Variants in ADAM10 observed in about 807,000 individuals in gnomAD.
ADAM10 encodes ADAM metallopeptidase domain 10, also known as disintegrin and metalloproteinase domain-containing protein 10.
Under a neutral mutation model 90.1 loss-of-function variants are expected in ADAM10, and 17 were observed. The observed-to-expected ratio is 0.19, with a 90% CI of 0.13 to 0.28. The LOEUF (loss-of-function observed/expected upper bound fraction) is 0.28. ADAM10 is among the 10% of genes least tolerant of loss of function. The pLI is 1.00. For synonymous variants in ADAM10, 310 were observed against 298.6 expected, an observed-to-expected ratio of 1.04 and a Z score of -0.40; for missense variants, 610 against 914.3, an observed-to-expected ratio of 0.67 and a Z score of 4.29.
chr15:58,701,027 A>AAC (rs1413433066), intron 2 of ADAM10, among the ~76,000 whole-genome samples: 34 of 151,334 alleles, frequency 2.2e-4, no homozygotes, highest in Admixed American at 7.2e-4. Context: ...AAAAACAAAA[A>AAC]AAAAAAAACA....
intron 1 of ADAM10, among the ~76,000 whole-genome samples, chr15:58,725,801 T>A (rs566101213): frequency 3.9e-4 from 60 of 152,144 alleles, no homozygotes; most frequent in African/African-American, 1.4e-3. Flanking sequence ...TCTATCAACC[T>A]AAGATTCTAT....
chr15:58,740,143 T>G (rs1337826700), intron 1 of ADAM10, among the ~76,000 whole-genome samples: 1 of 152,134 alleles, frequency 6.6e-6, no homozygotes, highest in Non-Finnish European at 1.5e-5. Flanking sequence ...CTCGGCATGG[T>G]GGCTCATGCC....
chr15:58,658,223 T>C (rs1240857982), intron 5 of ADAM10, among the ~76,000 whole-genome samples: 5 of 152,178 alleles, frequency 3.3e-5, no homozygotes, highest in Non-Finnish European at 1.5e-5. Flanking sequence ...TCTCAATTTT[T>C]TTTTCATATG....
chr15:58,730,566 G>A (rs1378806082), intron 1 of ADAM10, among the ~76,000 whole-genome samples: 1 of 152,140 alleles, frequency 6.6e-6, no homozygotes, highest in African/African-American at 2.4e-5. Flanking sequence ...TCTGCCTTTG[G>A]TTATAATTCA....
At position 58,611,293 on chromosome 15, in the gene ADAM10, G is replaced by A. The variant is rs1895431266; in HGVS notation, c.1696-186C>T. Reference sequence around the variant, plus strand: ...TACATTTGAAAAAATTTGAAAAACAGTAAATCCAAGAAAGATAGTAAATCT... The same window carrying A: ...TACATTTGAAAAAATTTGAAAAACAATAAATCCAAGAAAGATAGTAAATCT... On this transcript the variant is annotated intron_variant, in intron 12 of 15. Transcript: ENST00000260408. The A allele has an allele frequency of 1.4e-5, 8 of 581,636 alleles. No homozygotes were observed. In the South Asian group the frequency reaches 1.7e-4, roughly 12 times the overall value. 36.0% of individuals were successfully genotyped at this position (581,636 alleles called of 1,614,324 possible).
chr15:58,656,485 T>C (rs1347645604), intron 5 of ADAM10, among the ~76,000 whole-genome samples: 1 of 152,216 alleles, frequency 6.6e-6, no homozygotes, highest in Admixed American at 6.5e-5. Context: ...ATCTATCATA[T>C]GTTTTTTGAT....
intron 9 of ADAM10, among the ~76,000 whole-genome samples, chr15:58,631,342 G>T (rs1378175343): frequency 6.6e-6 from 1 of 152,186 alleles, no homozygotes; most frequent in East Asian, 1.9e-4. Flanking sequence ...AATGGGGTAC[G>T]ATTGAGCGTG....
chr15:58,729,050 C>T (rs554233948), intron 1 of ADAM10, among the ~76,000 whole-genome samples: 3 of 152,282 alleles, frequency 2.0e-5, no homozygotes, highest in African/African-American at 7.2e-5. Flanking sequence ...CAATTCAACA[C>T]TGAATCTAAA....
rs1895424589 is a variant in ADAM10 at position 58,611,034 on chromosome 15, T to A, written c.1769A>T (p.Asp590Val). ...CTCASSDGKD[D>V]KELCHVCCMK... Reference sequence around the variant, plus strand: ...ACAGCATACATGGCATAATTCTTTATCATCTTTGCCATCAGAACTGGCACA... The same window carrying A: ...ACAGCATACATGGCATAATTCTTTAACATCTTTGCCATCAGAACTGGCACA... Residue 590 changes from aspartate to valine, a missense_variant, in exon 13 of 16, where the codon GAT (aspartate) becomes GTT (valine). Around this residue, in one of 4 missense-constraint regions of ADAM10, gnomAD observed 150 missense variants for 268.5 expected, o/e 0.56. Transcript: ENST00000260408. 1 of 1,613,714 alleles carries A rather than the reference T, an allele frequency of 6.2e-7. No individual in the cohort carries two copies. Among genetic ancestry groups the A allele is most frequent in the African/African-American group, 1.3e-5 (1 of 74,928 alleles).
intron 5 of ADAM10, among the ~76,000 whole-genome samples, chr15:58,659,207 A>T (rs1415952195): frequency 2.0e-5 from 3 of 151,502 alleles, no homozygotes; most frequent in African/African-American, 4.9e-5. Flanking sequence ...CGGGAGGTGG[A>T]GGTTGCAGTG....
At chr15:58,710,531 A>T (rs759812413) in intron 2 of ADAM10, among the ~76,000 whole-genome samples, 27 of 152,324 alleles carry the variant, frequency 1.8e-4, no homozygotes, top group Middle Eastern at 3.4e-3. Flanking sequence ...TATAAAGCGG[A>T]ATCAGGCAAG....
Position 58,608,077 on chromosome 15 carries a change from G to C in ADAM10, c.2025+2220C>G, listed in dbSNP as rs148449019. 1.1e-4 allele frequency among the ~76,000 whole-genome samples: 16 copies of C among 152,298 alleles called. No individual in the cohort carries two copies. The East Asian group carries it at 3.1e-3, about 29-fold the overall frequency. On this transcript the variant is annotated intron_variant, in intron 14 of 15. Transcript: ENST00000260408. ...TAGGCACTCAGCAAATACAGTAAATGTATTTGGAAAAATCAAAACATAGTT... is the reference window on the plus strand; with the variant it reads ...TAGGCACTCAGCAAATACAGTAAATCTATTTGGAAAAATCAAAACATAGTT...
At position 58,589,223 on chromosome 15, in the gene ADAM10, C is replaced by A. The variant is rs1463702539; in HGVS notation, c.*8324G>T. The A allele has an allele frequency of 6.6e-6, 1 of 152,142 alleles. No homozygotes were observed. Among genetic ancestry groups the A allele is most frequent in the African/African-American group, 2.4e-5 (1 of 41,432 alleles). 9.4% of individuals were successfully genotyped at this position (152,142 alleles called of 1,614,324 possible). A position where few individuals can be genotyped will look rare whatever the true frequency, so the allele number is the denominator to read the frequency against. On this transcript the variant is annotated 3_prime_UTR_variant, in exon 16 of 16. Transcript: ENST00000260408. ...ATAAAGCCCAGTCCTGCAGAGGAATCGAGGGAAAGGGCAATCCAGGGAATA... is the reference window on the plus strand; with the variant it reads ...ATAAAGCCCAGTCCTGCAGAGGAATAGAGGGAAAGGGCAATCCAGGGAATA...
chr15:58,691,132 AG>A, intron 2 of ADAM10: 1 of 688,048 alleles, frequency 1.5e-6, no homozygotes, highest in East Asian at 2.7e-5. Flanking sequence ...ACAATGCGGC[AG>A]GGTGAAGACA....
At chr15:58,684,893 C>G (rs536168364) in intron 2 of ADAM10, among the ~76,000 whole-genome samples, 1 of 152,108 alleles carries the variant, frequency 6.6e-6, no homozygotes, top group East Asian at 1.9e-4. Context: ...ACTGTGAGAA[C>G]TGAATTACGC....
At chr15:58,655,161 A>C (rs986552156) in intron 5 of ADAM10, 1 of 152,174 alleles carries the variant, frequency 6.6e-6, no homozygotes, top group African/African-American at 2.4e-5. Flanking sequence ...TATTTGCTTT[A>C]TATATCTGGG....
intron 5 of ADAM10, among the ~76,000 whole-genome samples, chr15:58,656,829 TTTTC>T (rs1176120611): frequency 6.6e-6 from 1 of 152,216 alleles, no homozygotes. Context: ...ATTCACATCC[TTTTC>T]TTTCTGACTG....
chr15:58,694,093 T>C (rs971632424), intron 2 of ADAM10, among the ~76,000 whole-genome samples: 3 of 152,152 alleles, frequency 2.0e-5, no homozygotes, highest in African/African-American at 7.2e-5. Context: ...ACACTGCTGA[T>C]GGGAATGGAA....
chr15:58,653,754 C>T (rs1896743974), intron 5 of ADAM10, among the ~76,000 whole-genome samples: 1 of 152,114 alleles, frequency 6.6e-6, no homozygotes, highest in African/African-American at 2.4e-5. Context: ...TTCCCTCCTC[C>T]TCTATTTTTT....
Sources: gnomAD v4.1 joint callset for allele counts (sites outside exome capture counted in the v4.1 genomes callset) on GRCh38, gnomAD v4.1.1 for gene constraint, gnomAD v4.1.1 regional missense constraint, MANE v1.5 for transcripts, NCBI Gene and HGNC (gene_info 2026-07-23, HGNC 2026-07-21) for gene names.